The following CHLSN variants were observed in gnomAD, a reference collection of about 807,000 sequenced individuals.
The protein encoded by CHLSN is protein cholesin.
chr7:1,110,405 C>G, the CHLSN span, among the ~76,000 whole-genome samples: 1 of 152,058 alleles, frequency 6.6e-6, no homozygotes, highest in African/African-American at 2.4e-5. Context: ...ACCCCTCTCC[C>G]CGCGCCGGCA....
the CHLSN span, among the ~76,000 whole-genome samples, chr7:1,040,183 T>TAAAAAAATAAAA: frequency 1.3e-5 from 1 of 74,530 alleles, no homozygotes; most frequent in African/African-American, 4.5e-5. Context: ...AAAATAAATT[T>TAAAAAAATAAAA]AAAAAAAAAA....
At chr7:988,245 C>A in the CHLSN span, 29 of 1,550,314 alleles carry the variant, frequency 1.9e-5, no homozygotes, top group Non-Finnish European at 2.2e-5. Context: ...TTCCCCGGGG[C>A]CCCTCTCTCT....
At chr7:1,133,011 C>G in the CHLSN span, among the ~76,000 whole-genome samples, 1 of 152,118 alleles carries the variant, frequency 6.6e-6, no homozygotes. Context: ...GCCTAATATT[C>G]AAGCGGTGGA....
At chr7:1,081,358 G>A in the CHLSN span, among the ~76,000 whole-genome samples, 1 of 152,258 alleles carries the variant, frequency 6.6e-6, no homozygotes, top group African/African-American at 2.4e-5. Flanking sequence ...GCCATGAAAG[G>A]TGGGGGAAGG....
At chr7:1,136,187 TAAATATATACACAA>T in the CHLSN span, among the ~76,000 whole-genome samples, 5 of 108,858 alleles carry the variant, frequency 4.6e-5, no homozygotes, top group Admixed American at 2.2e-4. Context: ...TACATAATTA[TAAATATATACACAA>T]ATATATAAAT....
chr7:1,045,933 G>C, the CHLSN span: 1 of 152,280 alleles, frequency 6.6e-6, no homozygotes, highest in Non-Finnish European at 1.5e-5. Flanking sequence ...GAGGACAGAG[G>C]AACACAGATT....
the CHLSN span, among the ~76,000 whole-genome samples, chr7:1,062,914 A>G: frequency 0.023 from 3,523 of 152,144 alleles, 99 homozygotes; most frequent in African/African-American, 0.066. Flanking sequence ...TAACCAACTT[A>G]AACCTCACCT....
the CHLSN span, chr7:1,055,526 G>T: frequency 2.2e-6 from 1 of 448,854 alleles, no homozygotes; most frequent in African/African-American, 2.0e-5. Flanking sequence ...GGGACGTGGG[G>T]GGCTCTGTGC....
the CHLSN span, among the ~76,000 whole-genome samples, chr7:1,018,127 C>A: frequency 2.0e-5 from 3 of 152,184 alleles, no homozygotes; most frequent in Non-Finnish European, 4.4e-5. Context: ...ATCATCTCTG[C>A]TCTCTCCATT....
the CHLSN span, chr7:988,835 C>T: frequency 6.0e-6 from 9 of 1,489,518 alleles, no homozygotes; most frequent in East Asian, 2.3e-5. Flanking sequence ...GCTCCCCCAG[C>T]CCCCAGGTCC....
the CHLSN span, among the ~76,000 whole-genome samples, chr7:1,108,007 G>A: frequency 0.052 from 3,617 of 68,934 alleles, 23 homozygotes; most frequent in African/African-American, 0.095. Flanking sequence ...GAAGCAGAGG[G>A]GGGCTGTGTC....
At chr7:981,794 G>A in the CHLSN span, among the ~76,000 whole-genome samples, 1 of 152,170 alleles carries the variant, frequency 6.6e-6, no homozygotes, top group African/African-American at 2.4e-5. Flanking sequence ...TTGGGAGGTC[G>A]AGGCAGGAGG....
the CHLSN span, chr7:1,093,626 G>A: frequency 7.0e-5 from 33 of 471,238 alleles, 1 homozygote; most frequent in South Asian, 4.0e-4. Context: ...GCGAGCTGCC[G>A]TGTGGGTTAG....
At chr7:1,010,353 G>A in the CHLSN span, among the ~76,000 whole-genome samples, 1 of 152,230 alleles carries the variant, frequency 6.6e-6, no homozygotes, top group South Asian at 2.1e-4. Context: ...CAGTCCTGCG[G>A]GCAGGCGCCA....
chr7:998,454 A>ATT, the CHLSN span, among the ~76,000 whole-genome samples: 1 of 117,634 alleles, frequency 8.5e-6, no homozygotes, highest in African/African-American at 3.1e-5. Flanking sequence ...AAAGTCTTAG[A>ATT]TTCTTTTTTT....
chr7:987,432 C>G, the CHLSN span: 1 of 1,591,328 alleles, frequency 6.3e-7, no homozygotes, highest in Non-Finnish European at 8.5e-7. Context: ...CCTACACAAG[C>G]GCCGTGCTCC....
At chr7:1,016,110 C>T in the CHLSN span, among the ~76,000 whole-genome samples, 23 of 70,026 alleles carry the variant, frequency 3.3e-4, no homozygotes, top group Non-Finnish European at 5.1e-4. Context: ...CACACAGCAG[C>T]GCACAGCAGC....
the CHLSN span, chr7:1,092,881 C>A: frequency 1.2e-4 from 188 of 1,600,888 alleles, 2 homozygotes; most frequent in South Asian, 2.0e-3. Context: ...ATAGGCCCAG[C>A]CAGGGTGTGA....
At chr7:1,000,642 G>A in the CHLSN span, 1 of 1,043,594 alleles carries the variant, frequency 9.6e-7, no homozygotes, top group Non-Finnish European at 1.4e-6. Context: ...CCTCATCTTA[G>A]GAGAGGGAGC....
Sources: gnomAD v4.1 joint callset for allele counts (sites outside exome capture counted in the v4.1 genomes callset) on GRCh38, gnomAD v4.1.1 for gene constraint, MANE v1.5 for transcripts, NCBI Gene and HGNC (gene_info 2026-07-23, HGNC 2026-07-21) for gene names.